Variants in TMEM120B observed in about 807,000 individuals in gnomAD.
TMEM120B encodes transmembrane protein 120B.
TMEM120B carries 31 observed loss-of-function variants against 55.5 expected under a neutral mutation model. The observed-to-expected ratio is 0.56, with a 90% CI of 0.42 to 0.75. The LOEUF (loss-of-function observed/expected upper bound fraction) is 0.75, where lower values mean the gene tolerates loss of function less well. TMEM120B is among the 30% of genes least tolerant of loss of function. The probability of loss-of-function intolerance (pLI) is 0.00; values close to 1 mark genes in which losing one functional copy is unlikely to be tolerated. For synonymous variants in TMEM120B, 203 were observed against 176.3 expected (o/e 1.15, Z -1.20); for missense variants, 399 against 425.5 (o/e 0.94, Z 0.55).
At chr12:121,723,614 T>C (rs1350104124) in intron 1 of TMEM120B, among the ~76,000 whole-genome samples, 1 of 152,136 alleles carries the variant, frequency 6.6e-6, no homozygotes, top group East Asian at 1.9e-4. Flanking sequence ...GTGACTACCA[T>C]TGACTAAACT....
intron 1 of TMEM120B, among the ~76,000 whole-genome samples, chr12:121,715,092 C>T (rs1482843382): frequency 6.6e-6 from 1 of 152,070 alleles, no homozygotes. Flanking sequence ...AATTCCAGAA[C>T]TTTGGGAGAC....
At chr12:121,731,720 C>A (rs1261488662) in intron 1 of TMEM120B, among the ~76,000 whole-genome samples, 1 of 152,204 alleles carries the variant, frequency 6.6e-6, no homozygotes, top group Non-Finnish European at 1.5e-5. Flanking sequence ...CGACACATGA[C>A]TGTACCACAG....
intron 2 of TMEM120B, among the ~76,000 whole-genome samples, chr12:121,745,103 CTCCTGCCCCAGGTGTG>C (rs1873042569): frequency 6.6e-6 from 1 of 152,184 alleles, no homozygotes; most frequent in Non-Finnish European, 1.5e-5. Context: ...GCCAGTAGCA[CTCCTGCCCCAGGTGTG>C]TCCACCAAGA....
At chr12:121,760,357 A>G (rs1873632920) in intron 5 of TMEM120B, among the ~76,000 whole-genome samples, 1 of 150,038 alleles carries the variant, frequency 6.7e-6, no homozygotes, top group Non-Finnish European at 1.5e-5. Context: ...TTGGAGGACA[A>G]GTGTGCGGTG....
intron 5 of TMEM120B, among the ~76,000 whole-genome samples, chr12:121,756,059 AT>A (rs1178818542): frequency 3.3e-5 from 5 of 152,180 alleles, no homozygotes; most frequent in Non-Finnish European, 1.5e-5. Context: ...GCGATCATCT[AT>A]GCAAAATGCC....
chr12:121,780,906 CG>C lies in TMEM120B; in HGVS notation c.*5186del. On this transcript the variant is annotated 3_prime_UTR_variant, in exon 12 of 12. Coordinates refer to ENST00000449592, the MANE Select transcript of TMEM120B (RefSeq NM_001080825.2). ...GGTGATGGGCTCCAGCTGGGCGGCC[CG>C]GAGCTTCCGCAGCTGCTCCTTGTCC... 1 of 1,613,818 alleles carries C rather than the reference CG, an allele frequency of 6.2e-7. No homozygotes were observed. Among genetic ancestry groups the C allele is most frequent in the Non-Finnish European group, 8.5e-7 (1 of 1,179,918 alleles).
Position 121,712,840 on chromosome 12 carries a change from G to C in TMEM120B, c.-56G>C. The C allele has an allele frequency of 7.7e-7, 1 of 1,305,922 alleles. No homozygotes were observed. Among genetic ancestry groups the C allele is most frequent in the Non-Finnish European group, 9.9e-7 (1 of 1,011,384 alleles). 80.9% of individuals were successfully genotyped at this position (1,305,922 alleles called of 1,614,324 possible). On this transcript the variant is annotated 5_prime_UTR_variant, in exon 1 of 12. Coordinates refer to ENST00000449592, the MANE Select transcript of TMEM120B (RefSeq NM_001080825.2). ...CGCGGGCGTGGGGCGCTGGGGGGCC[G>C]GTCGGGCAGCGCTGCGGGAGCAGCC...
rs1433978691 is a variant in TMEM120B at position 121,712,771 on chromosome 12, G to C, written c.-125G>C. ...GACGTCAGTTGCGCGCGTGGCTCTG[G>C]CTGCGCAGGAACAGCTGGTGCCTCC... On this transcript the variant is annotated 5_prime_UTR_variant, in exon 1 of 12. Coordinates refer to ENST00000449592, the MANE Select transcript of TMEM120B (RefSeq NM_001080825.2). 5.2e-6 allele frequency: 3 copies of C among 579,690 alleles called. No homozygotes were observed. The highest frequency in any genetic ancestry group is 7.5e-6 in the Non-Finnish European group (3 of 400,740). 35.9% of individuals were successfully genotyped at this position (579,690 alleles called of 1,614,324 possible).
intron 6 of TMEM120B, among the ~76,000 whole-genome samples, chr12:121,764,178 A>G (rs535082517): frequency 1.3e-5 from 2 of 151,106 alleles, no homozygotes; most frequent in Non-Finnish European, 3.0e-5. Flanking sequence ...AAAAAAAAAA[A>G]TTAGCTGGGC....
In TMEM120B at chr12:121,743,754, G is replaced by A. The variant is rs1318318828; in HGVS notation, c.188+7G>A. The A allele has an allele frequency of 1.2e-6, 2 of 1,602,698 alleles. No homozygotes were observed. Among genetic ancestry groups the A allele is most frequent in the East Asian group, 4.5e-5 (2 of 44,770 alleles). Reference sequence around the variant, plus strand: ...TGAAGCTTACACTCCAGAGGTAGGTGCAGCTGTAGCCCGGGGGCTGCCCTG... The same window carrying A: ...TGAAGCTTACACTCCAGAGGTAGGTACAGCTGTAGCCCGGGGGCTGCCCTG... On this transcript the variant is annotated splice_region_variant and intron_variant, in intron 2 of 11. Transcript: ENST00000449592.
intron 2 of TMEM120B, among the ~76,000 whole-genome samples, chr12:121,744,785 C>T (rs1029610867): frequency 2.0e-5 from 3 of 152,162 alleles, no homozygotes; most frequent in Admixed American, 6.6e-5. Context: ...TCAACTCTTT[C>T]CTTGTGGACA....
intron 1 of TMEM120B, among the ~76,000 whole-genome samples, chr12:121,729,045 G>T (rs1894949102): frequency 6.6e-6 from 1 of 152,222 alleles, no homozygotes; most frequent in South Asian, 2.1e-4. Context: ...CTCTCCTGGA[G>T]CCTGTGGCCA....
chr12:121,726,825 T>C (rs2137019134), intron 1 of TMEM120B, among the ~76,000 whole-genome samples: 1 of 147,574 alleles, frequency 6.8e-6, no homozygotes, highest in South Asian at 2.2e-4. Context: ...GGAGAATTGC[T>C]TGAACCCAGG....
chr12:121,731,600 C>A (rs1245938147), intron 1 of TMEM120B, among the ~76,000 whole-genome samples: 3 of 152,134 alleles, frequency 2.0e-5, no homozygotes, highest in Admixed American at 2.0e-4. Context: ...AGGTTTGTAG[C>A]CCAGGAGCAA....
intron 5 of TMEM120B, among the ~76,000 whole-genome samples, chr12:121,753,298 G>A (rs1012142983): frequency 6.6e-6 from 1 of 152,124 alleles, no homozygotes; most frequent in Admixed American, 6.5e-5. Flanking sequence ...GTGGCCAGGG[G>A]CTGCGGGAGG....
At chr12:121,729,182 C>G (rs111908762) in intron 1 of TMEM120B, among the ~76,000 whole-genome samples, 2 of 152,360 alleles carry the variant, frequency 1.3e-5, no homozygotes, top group Non-Finnish European at 2.9e-5. Context: ...AGCAGAAAGC[C>G]TCCATCCGGC....
chr12:121,756,381 C>A (rs896441479), intron 5 of TMEM120B, among the ~76,000 whole-genome samples: 6 of 152,134 alleles, frequency 3.9e-5, no homozygotes, highest in Non-Finnish European at 8.8e-5. Context: ...ATCTGTAATC[C>A]CAGCTACTCG....
chr12:121,743,838 T>C (rs1873005579), intron 2 of TMEM120B, 91 bp downstream of exon 2: 1 of 964,286 alleles, frequency 1.0e-6, no homozygotes. Flanking sequence ...GAAATCTCAG[T>C]GGAAAAAGAC....
intron 1 of TMEM120B, among the ~76,000 whole-genome samples, chr12:121,716,297 G>T (rs1209445497): frequency 1.4e-5 from 2 of 145,700 alleles, no homozygotes; most frequent in African/African-American, 2.6e-5. Context: ...GACAGAGTTA[G>T]ACCCTCTCTC....
Sources: gnomAD v4.1 joint callset for allele counts (sites outside exome capture counted in the v4.1 genomes callset) on GRCh38, gnomAD v4.1.1 for gene constraint, MANE v1.5 for transcripts, NCBI Gene and HGNC (gene_info 2026-07-23, HGNC 2026-07-21) for gene names.